The following KIRREL1 variants were observed in gnomAD, a reference collection of about 807,000 sequenced individuals.
KIRREL1 encodes kin of IRRE-like protein 1.
KIRREL1 carries 25 observed loss-of-function variants against 83.3 expected under a neutral mutation model. That is an observed-to-expected ratio of 0.30 (90% CI 0.22 to 0.42). The LOEUF (loss-of-function observed/expected upper bound fraction) is 0.42, where lower values mean the gene tolerates loss of function less well. Among genes scored for constraint, KIRREL1 ranks in the 10% least tolerant of loss-of-function variants. The pLI is 1.00. For synonymous variants in KIRREL1, 388 were observed against 410.4 expected (o/e 0.95, Z 0.66); for missense variants, 812 against 1,032.3 (o/e 0.79, Z 2.92).
intron 1 of KIRREL1, among the ~76,000 whole-genome samples, chr1:158,071,822 G>C (rs1182699850): frequency 1.3e-5 from 2 of 152,146 alleles, no homozygotes; most frequent in East Asian, 3.9e-4. Flanking sequence ...TGAGAGGCAG[G>C]TGTGCACACA....
At chr1:158,016,969 C>G (rs1236402502) in intron 1 of KIRREL1, among the ~76,000 whole-genome samples, 1 of 152,208 alleles carries the variant, frequency 6.6e-6, no homozygotes, top group African/African-American at 2.4e-5. Flanking sequence ...TCATTTCCAA[C>G]AAACCTTTCA....
In KIRREL1 at chr1:158,087,831, C is replaced by T. The variant is rs1229885658; in HGVS notation, c.738C>T (p.Ala246=). The change falls in exon 6 of 15, where the codon GCC becomes GCT. Residue 246 remains alanine, a synonymous_variant. Coordinates refer to ENST00000359209, the MANE Select transcript of KIRREL1 (RefSeq NM_018240.7). ...EGERVVFTCQ[A]TANPEILGYR... Reference sequence around the variant, plus strand: ...AGCGTGTTGTCTTTACCTGCCAGGCCACAGCCAACCCCGAGATCTTGGGCT... The same window carrying T: ...AGCGTGTTGTCTTTACCTGCCAGGCTACAGCCAACCCCGAGATCTTGGGCT... 6.2e-7 allele frequency: 1 copy of T among 1,613,924 alleles called. No homozygotes were observed. Among genetic ancestry groups the T allele is most frequent in the Non-Finnish European group, 8.5e-7 (1 of 1,179,918 alleles).
At chr1:158,044,700 T>C (rs1660728133) in intron 1 of KIRREL1, among the ~76,000 whole-genome samples, 1 of 152,140 alleles carries the variant, frequency 6.6e-6, no homozygotes, top group African/African-American at 2.4e-5. Flanking sequence ...GGTTTAGCCA[T>C]GTTGGCCAGG....
intron 2 of KIRREL1, among the ~76,000 whole-genome samples, chr1:158,077,727 A>G (rs534675866): frequency 6.6e-6 from 1 of 152,056 alleles, no homozygotes; most frequent in Admixed American, 6.5e-5. Flanking sequence ...TTATTATGAG[A>G]GGCATTTGTC....
chr1:158,069,302 T>TGTG (rs1661441927), intron 1 of KIRREL1, among the ~76,000 whole-genome samples: 2 of 143,292 alleles, frequency 1.4e-5, no homozygotes, highest in African/African-American at 2.6e-5. Flanking sequence ...TATGACGTAC[T>TGTG]TGTGTGTGTG....
intron 1 of KIRREL1, among the ~76,000 whole-genome samples, chr1:158,019,136 C>T (rs7537784): frequency 0.16 from 24,665 of 151,998 alleles, 2,450 homozygotes; most frequent in African/African-American, 0.27. Flanking sequence ...ATAGCGGACA[C>T]GGAACAAGGG....
In KIRREL1 at chr1:158,084,578, C is replaced by T. The variant is rs571258086; in HGVS notation, c.509C>T (p.Thr170Met). The T allele has an allele frequency of 3.4e-5, 52 of 1,551,454 alleles. No homozygotes were observed. The highest frequency in any genetic ancestry group is 2.4e-4 in the East Asian group (10 of 40,914). ...GTQQEGAVAS[T>M]ELLKDGKRET... ...CAGCAGGAGGGCGCTGTGGCCAGCA[C>T]GGTGAGCTCCAGCCAGCTCCCCCAG... Residue 170 changes from threonine to methionine, a missense_variant and splice_region_variant, in exon 4 of 15, where the codon ACG becomes ATG. Thr to Met is a moderately conservative substitution (Grantham distance 81). Transcript: ENST00000359209.
At chr1:158,060,086 G>C (rs1661172073) in intron 1 of KIRREL1, among the ~76,000 whole-genome samples, 1 of 152,172 alleles carries the variant, frequency 6.6e-6, no homozygotes, top group African/African-American at 2.4e-5. Flanking sequence ...TGTCTGTGCT[G>C]TCTAAGGCTT....
chr1:158,060,806 C>T (rs749925658), intron 1 of KIRREL1, among the ~76,000 whole-genome samples: 3 of 152,132 alleles, frequency 2.0e-5, no homozygotes, highest in Non-Finnish European at 2.9e-5. Flanking sequence ...AGTGTCCTTC[C>T]GCTCTCATCT....
chr1:158,007,946 G>A (rs1200282693), intron 1 of KIRREL1, among the ~76,000 whole-genome samples: 1 of 152,008 alleles, frequency 6.6e-6, no homozygotes, highest in Non-Finnish European at 1.5e-5. Context: ...GATAATTTGT[G>A]GATTATAGCT....
In KIRREL1 at chr1:158,098,840, T is replaced by A. The variant is rs1195229120; in HGVS notation, c.*3720T>A. 2 of 152,234 alleles carry A rather than the reference T, an allele frequency of 1.3e-5. No homozygotes were observed. Among genetic ancestry groups the A allele is most frequent in the East Asian group, 3.8e-4 (2 of 5,202 alleles). The allele number at this position is 152,234 out of a possible 1,614,324, so 9.4% of individuals were successfully genotyped here. A position where few individuals can be genotyped will look rare whatever the true frequency, so the allele number is the denominator to read the frequency against. ...AGGGCTACTTTCCTCTTCACTCTGATGAGGGGAGCTTTATCTGCTTTCAAA... is the reference window on the plus strand; with the variant it reads ...AGGGCTACTTTCCTCTTCACTCTGAAGAGGGGAGCTTTATCTGCTTTCAAA... On this transcript the variant is annotated 3_prime_UTR_variant, in exon 15 of 15. Coordinates refer to ENST00000359209, the MANE Select transcript of KIRREL1 (RefSeq NM_018240.7).
chr1:158,077,006 T>C (rs1283298538), intron 2 of KIRREL1, among the ~76,000 whole-genome samples: 1 of 152,174 alleles, frequency 6.6e-6, no homozygotes, highest in Non-Finnish European at 1.5e-5. Context: ...GAAGCAGGCA[T>C]AGTGGTTGCA....
At chr1:158,016,889 C>T (rs893260490) in intron 1 of KIRREL1, among the ~76,000 whole-genome samples, 2 of 152,212 alleles carry the variant, frequency 1.3e-5, no homozygotes, top group East Asian at 3.8e-4. Flanking sequence ...CTATCCATTT[C>T]TCAGCCTTGC....
In KIRREL1 at chr1:158,095,097, C is replaced by T; in HGVS notation, c.2251C>T (p.Gln751Ter). Residue 751 changes from glutamine to a stop codon, truncating the protein, a stop_gained, in exon 15 of 15, where the codon CAG becomes TAG. Transcript: ENST00000359209. LOFTEE classifies it high-confidence loss of function. ...CTCGGACTACGGCCAGCGATTCCAG[C>T]AGCGCATGCAGACTCACGTGTAGGG... The part of the protein sequence containing the change: ...QHSDYGQRFQ[Q>*]RMQTHV The T allele has an allele frequency of 6.2e-7, 1 of 1,603,050 alleles. No homozygotes were observed. Among genetic ancestry groups the T allele is most frequent in the Admixed American group, 1.7e-5 (1 of 59,540 alleles).
At chr1:158,040,977 T>C (rs1199057740) in intron 1 of KIRREL1, among the ~76,000 whole-genome samples, 1 of 152,090 alleles carries the variant, frequency 6.6e-6, no homozygotes, top group African/African-American at 2.4e-5. Context: ...GAGCTGGGCA[T>C]GTGTGGAAGT....
chr1:158,037,510 A>G (rs1660510258), intron 1 of KIRREL1, among the ~76,000 whole-genome samples: 1 of 151,810 alleles, frequency 6.6e-6, no homozygotes, highest in Admixed American at 6.6e-5. Flanking sequence ...AAAAAAAAAA[A>G]AAGGAAGGGG....
chr1:158,040,310 G>T (rs1405745151), intron 1 of KIRREL1, among the ~76,000 whole-genome samples: 1 of 152,174 alleles, frequency 6.6e-6, no homozygotes, highest in Non-Finnish European at 1.5e-5. Context: ...TGTGGGCTGA[G>T]AAATGCCATA....
At position 158,097,099 on chromosome 1, in the gene KIRREL1, G is replaced by A. The variant is rs1662375106; in HGVS notation, c.*1979G>A. On this transcript the variant is annotated 3_prime_UTR_variant, in exon 15 of 15. Transcript: ENST00000359209. ...AGCAGGGAAAACTCCTGTGGAGTGG[G>A]CCCTATCTGGGGCATTTACAGGCTT... The A allele has an allele frequency of 4.4e-6, 2 of 456,420 alleles. No individual in the cohort carries two copies. The highest frequency in any genetic ancestry group is 8.8e-6 in the Non-Finnish European group (2 of 226,884). The allele number at this position is 456,420 out of a possible 1,614,324, so 28.3% of individuals were successfully genotyped here.
intron 1 of KIRREL1, among the ~76,000 whole-genome samples, chr1:158,039,943 T>G (rs1050265531): frequency 6.6e-6 from 1 of 152,214 alleles, no homozygotes; most frequent in African/African-American, 2.4e-5. Context: ...TTTTGTTTTT[T>G]GGCAACCATG....
Sources: allele counts gnomAD v4.1 joint callset (sites outside exome capture counted in the v4.1 genomes callset), GRCh38; gene constraint gnomAD v4.1.1; transcripts MANE v1.5; gene names NCBI Gene and HGNC (gene_info 2026-07-23, HGNC 2026-07-21).